CHRNA10: variants seen among roughly 807,000 people sequenced by gnomAD.
CHRNA10 encodes neuronal acetylcholine receptor subunit alpha-10.
CHRNA10 carries 31 observed loss-of-function variants against 36.0 expected under a neutral mutation model. The observed-to-expected ratio is 0.86, with a 90% CI of 0.65 to 1.16. The LOEUF is 1.16. Ranked by LOEUF, CHRNA10 falls within the 50% of genes most tolerant of loss-of-function variation. CHRNA10 has a pLI of 0.00. For synonymous variants in CHRNA10, 302 were observed against 287.0 expected, an observed-to-expected ratio of 1.05 and a Z score of -0.53; for missense variants, 648 against 640.9, an observed-to-expected ratio of 1.01 and a Z score of -0.12.
rs747340658 is a variant in CHRNA10 at position 3,667,568 on chromosome 11, G to C, written c.559C>G (p.Arg187Gly). 6 of 1,559,728 alleles carry C rather than the reference G, an allele frequency of 3.8e-6. No individual in the cohort carries two copies. In the African/African-American group the frequency reaches 5.4e-5, roughly 14 times the overall value. ...TCCGCCAGGCTGGCTGCAGCGCCGC[G>C]CGGCCGCACATCCAGTTGGTGCCCG... ...HGGHQLDVRP[R>G]GAAASLADFV... The change falls in exon 4 of 5, where the codon CGC becomes GGC. Residue 187 changes from arginine (R) to glycine (G), a missense_variant. Arg to Gly is a moderately radical substitution (Grantham distance 125). Coordinates refer to ENST00000250699, the MANE Select transcript of CHRNA10 (RefSeq NM_020402.4).
At chr11:3,669,387 T>C in intron 2 of CHRNA10, 37 bp from the exon 3 acceptor site, 1 of 1,602,018 alleles carries the variant, frequency 6.2e-7, no homozygotes, top group Non-Finnish European at 8.5e-7. Context: ...TGTGGACATG[T>C]ATATGCATAT....
chr11:3,671,144 C>T, intron 1 of CHRNA10, 108 bp downstream of exon 1: 1 of 1,150,892 alleles, frequency 8.7e-7, no homozygotes, highest in South Asian at 1.2e-5. Context: ...GTTCTCAGAA[C>T]AGGTACTGAG....
rs370359119 is a variant in CHRNA10 at position 3,666,578 on chromosome 11, A to T, written c.896-14T>A. The T allele has an allele frequency of 6.6e-7, 1 of 1,515,196 alleles. No homozygotes were observed. The highest frequency in any genetic ancestry group is 8.8e-7 in the Non-Finnish European group (1 of 1,130,650). The allele number at this position is 1,515,196 out of a possible 1,614,324, so 93.9% of individuals were successfully genotyped here. A position where few individuals can be genotyped will look rare whatever the true frequency, so the allele number is the denominator to read the frequency against. ...TGTAGTACTTCCCTGCAAGAGAGAG[A>T]GAAAGCCAATTGACTCAAAACAAAA... is the stretch of plus-strand genomic sequence containing the variant. On this transcript the variant is annotated splice_polypyrimidine_tract_variant and intron_variant, in intron 4 of 4. Coordinates refer to ENST00000250699, the MANE Select transcript of CHRNA10 (RefSeq NM_020402.4).
In CHRNA10 at chr11:3,669,890, AAG is replaced by A. The variant is rs1187006501; in HGVS notation, c.111_112del (p.Phe38CysfsTer33). On this transcript the variant is annotated frameshift_variant, in exon 2 of 5. Transcript: ENST00000250699. LOFTEE classifies it high-confidence loss of function. The stretch of plus-strand genomic sequence containing the variant: ...TCTCAGGGCACTTGTGTAGTTGGCA[AAG>A]AGGTCACGGAACAGCTTGAGAGCCA... 6.2e-7 allele frequency: 1 copy of A among 1,614,002 alleles called. No homozygotes were observed. Among genetic ancestry groups the A allele is most frequent in the Admixed American group, 1.7e-5 (1 of 59,998 alleles).
intron 1 of CHRNA10, 44 bp from the exon 2 acceptor site, chr11:3,669,985 C>T (rs761721629): frequency 4.6e-5 from 74 of 1,611,532 alleles, no homozygotes; most frequent in Non-Finnish European, 6.0e-5. Flanking sequence ...GGCCCTAGTC[C>T]CAGGGCCTCT....
chr11:3,667,827 G>A lies in CHRNA10; in HGVS notation c.363-63C>T, dbSNP rs936631822. 1.8e-5 allele frequency: 25 copies of A among 1,368,746 alleles called. No individual in the cohort carries two copies. In the African/African-American group the frequency reaches 3.4e-4, roughly 18 times the overall value. The allele number at this position is 1,368,746 out of a possible 1,614,324, so 84.8% of individuals were successfully genotyped here. Reference sequence around the variant, plus strand: ...AGCCTGAGGAGCAGCCCCGGAGGCCGGGAGCCCAGGGCAGACCCCCAGGGG... The same window carrying A: ...AGCCTGAGGAGCAGCCCCGGAGGCCAGGAGCCCAGGGCAGACCCCCAGGGG... On this transcript the variant is annotated intron_variant, in intron 3 of 4. Transcript: ENST00000250699.
chr11:3,670,935 G>A (rs2077708875), intron 1 of CHRNA10: 1 of 438,174 alleles, frequency 2.3e-6, no homozygotes, highest in Non-Finnish European at 4.2e-6. Flanking sequence ...CTAGTATGCT[G>A]CTGAAACCTT....
rs1438368957 is a variant in CHRNA10, at chr11:3,669,259, C to T, written c.299G>A (p.Gly100Asp). ...GCTGGGGATGCGGATGGCATCCAGG[C>T]CACCATAGGCATTGGGGTCCCATCG... is the stretch of plus-strand genomic sequence containing the variant. ...YLRWDPNAYG[G>D]LDAIRIPSSL... Residue 100 changes from glycine to aspartate, a missense_variant, in exon 3 of 5, where the codon GGC becomes GAC. Gly to Asp is a moderately conservative substitution (Grantham distance 94). Coordinates refer to ENST00000250699, the MANE Select transcript of CHRNA10 (RefSeq NM_020402.4). 1 of 1,614,072 alleles carries T rather than the reference C, an allele frequency of 6.2e-7. No homozygotes were observed. The highest frequency in any genetic ancestry group is 2.2e-5 in the East Asian group (1 of 44,884).
chr11:3,669,540 CA>C (rs55794740), intron 2 of CHRNA10, among the ~76,000 whole-genome samples, 190 bp from the exon 3 acceptor site: 47 of 152,026 alleles, frequency 3.1e-4, no homozygotes, highest in Non-Finnish European at 5.4e-4. Context: ...CCTGTTTCCT[CA>C]GCAGGAATAT....
chr11:3,669,754 TG>T (rs868782935), intron 2 of CHRNA10, 41 bp downstream of exon 2: 3 of 1,611,792 alleles, frequency 1.9e-6, no homozygotes, highest in Non-Finnish European at 2.5e-6. Flanking sequence ...CTTGACACTG[TG>T]ACAGGTAAGA....
chr11:3,667,448 T>G lies in CHRNA10; in HGVS notation c.679A>C (p.Thr227Pro), dbSNP rs769081824. Residue 227 changes from threonine to proline, a missense_variant, in exon 4 of 5, where the codon ACC becomes CCC. Coordinates refer to ENST00000250699, the MANE Select transcript of CHRNA10 (RefSeq NM_020402.4). ...CGGCGGCGCAGCAGCAGCGTGAAGG[T>G]GACGTCGGGGTAGGGCTCGGAGCAG... is the stretch of plus-strand genomic sequence containing the variant. ...GCCSEPYPDV[T>P]FTLLLRRRAA... The G allele has an allele frequency of 6.3e-7, 1 of 1,594,972 alleles. No individual in the cohort carries two copies.
In CHRNA10 at chr11:3,667,581, C is replaced by T. The variant is rs1224547822; in HGVS notation, c.546G>A (p.Leu182=). Reference sequence around the variant, plus strand: ...CTGCAGCGCCGCGCGGCCGCACATCCAGTTGGTGCCCGCCGTGAGTCCAGG... The same window carrying T: ...CTGCAGCGCCGCGCGGCCGCACATCTAGTTGGTGCCCGCCGTGAGTCCAGG... ...FGSWTHGGHQ[L]DVRPRGAAAS... is the part of the protein sequence containing the mutation. The change falls in exon 4 of 5, where the codon CTG becomes CTA. Residue 182 remains leucine (L), a synonymous_variant. Coordinates refer to ENST00000250699, the MANE Select transcript of CHRNA10 (RefSeq NM_020402.4). The T allele has an allele frequency of 6.4e-6, 10 of 1,556,594 alleles. No individual in the cohort carries two copies. The South Asian group carries it at 9.2e-5, about 14-fold the overall frequency.
At position 3,666,382 on chromosome 11, in the gene CHRNA10, AC is replaced by A; in HGVS notation, c.1077del (p.Gln359HisfsTer41). On this transcript the variant is annotated frameshift_variant, in exon 5 of 5. Coordinates refer to ENST00000250699, the MANE Select transcript of CHRNA10 (RefSeq NM_020402.4). LOFTEE classifies it high-confidence loss of function. ...CVRERGEPCG[Q>X]SRPPELSPSP... Reference sequence around the variant, plus strand: ...CTAGGAGATAACTCAGGTGGCCTGGACTGCCCACAGGGCTCCCCTCTTTCCC... The same window carrying A: ...CTAGGAGATAACTCAGGTGGCCTGGATGCCCACAGGGCTCCCCTCTTTCCC... 6.2e-7 allele frequency: 1 copy of A among 1,613,714 alleles called. No individual in the cohort carries two copies. Among genetic ancestry groups the A allele is most frequent in the Non-Finnish European group, 8.5e-7 (1 of 1,179,998 alleles).
At position 3,668,222 on chromosome 11, in the gene CHRNA10, T is replaced by C. The variant is rs777546189; in HGVS notation, c.363-458A>G. Among the ~76,000 whole-genome samples the C allele has an allele frequency of 1.6e-4, 24 of 152,178 alleles. 1 individual carries two copies. Among genetic ancestry groups the C allele is most frequent in the Non-Finnish European group, 3.2e-4 (22 of 68,046 alleles). On this transcript the variant is annotated intron_variant, in intron 3 of 4. Coordinates refer to ENST00000250699, the MANE Select transcript of CHRNA10 (RefSeq NM_020402.4). ...TGATGGGTACAGCAGATTAATAAACTTCTGCTTGTGGCTGGGTGCGGTGGC... is the reference window on the plus strand; with the variant it reads ...TGATGGGTACAGCAGATTAATAAACCTCTGCTTGTGGCTGGGTGCGGTGGC...
At position 3,669,494 on chromosome 11, in the gene CHRNA10, G is replaced by A. The variant is rs2077696437; in HGVS notation, c.208-144C>T. 2.9e-6 allele frequency: 3 copies of A among 1,029,606 alleles called. No homozygotes were observed. In the East Asian group the frequency reaches 7.4e-5, roughly 25 times the overall value. 63.8% of individuals were successfully genotyped at this position (1,029,606 alleles called of 1,614,324 possible). On this transcript the variant is annotated intron_variant, in intron 2 of 4. Coordinates refer to ENST00000250699, the MANE Select transcript of CHRNA10 (RefSeq NM_020402.4). The stretch of plus-strand genomic sequence containing the variant: ...CCAGTTCCCACCCAGACCTGACCTT[G>A]CCATGTGACCTTAGTGGGCTCTTCT...
Position 3,667,691 on chromosome 11 carries a change from C to G in CHRNA10, c.436G>C (p.Ala146Pro). 6.4e-7 allele frequency: 1 copy of G among 1,571,562 alleles called. No individual in the cohort carries two copies. The highest frequency in any genetic ancestry group is 8.6e-7 in the Non-Finnish European group (1 of 1,165,186). Residue 146 changes from alanine (A) to proline (P), a missense_variant, in exon 4 of 5, where the codon GCG (alanine) becomes CCG (proline). By Grantham distance (27) the Ala-to-Pro change is conservative. Transcript: ENST00000250699. The part of the protein sequence containing the change: ...LRHDGAVRWD[A>P]PAITRSSCRV... Reference sequence around the variant, plus strand: ...CACGAGCTGCGCGTGATGGCCGGCGCGTCCCAGCGCACGGCGCCATCGTGG... The same window carrying G: ...CACGAGCTGCGCGTGATGGCCGGCGGGTCCCAGCGCACGGCGCCATCGTGG...
In CHRNA10 at chr11:3,671,316, C is replaced by T; in HGVS notation, c.-4G>A. On this transcript the variant is annotated 5_prime_UTR_variant, in exon 1 of 5. Coordinates refer to ENST00000250699, the MANE Select transcript of CHRNA10 (RefSeq NM_020402.4). ...GGTGGTGGCTCCGGAGCCCCATGGC[C>T]CTGGCACTGCAAGAGCGGGGGCAGG... 6.2e-7 allele frequency: 1 copy of T among 1,614,004 alleles called. No homozygotes were observed. Among genetic ancestry groups the T allele is most frequent in the Non-Finnish European group, 8.5e-7 (1 of 1,179,922 alleles).
In CHRNA10 at chr11:3,666,275, T is replaced by C. The variant is rs775673289; in HGVS notation, c.1185A>G (p.Leu395=). ...EPRCLCRQEA[L]LHHVATIANT... Reference sequence around the variant, plus strand: ...TGGCAATGGTGGCTACGTGGTGCAGTAGGGCTTCCTGGCGGCACAGACATC... The same window carrying C: ...TGGCAATGGTGGCTACGTGGTGCAGCAGGGCTTCCTGGCGGCACAGACATC... Residue 395 remains leucine, a synonymous_variant, in exon 5 of 5, where the codon CTA becomes CTG. Transcript: ENST00000250699. The C allele has an allele frequency of 1.5e-5, 24 of 1,613,800 alleles. No individual in the cohort carries two copies. The highest frequency in any genetic ancestry group is 1.9e-5 in the Non-Finnish European group (22 of 1,179,936).
intron 2 of CHRNA10, 21 bp downstream of exon 2, chr11:3,669,775 T>A (rs1222580217): frequency 1.2e-6 from 2 of 1,613,970 alleles, no homozygotes. Context: ...ACTCCACAGC[T>A]GTACCACCAC....
Sources: allele counts gnomAD v4.1 joint callset (sites outside exome capture counted in the v4.1 genomes callset), GRCh38; gene constraint gnomAD v4.1.1; transcripts MANE v1.5; gene names NCBI Gene and HGNC (gene_info 2026-07-23, HGNC 2026-07-21).